PGM5: variants seen among roughly 807,000 people sequenced by gnomAD.
PGM5 encodes phosphoglucomutase-like protein 5.
A neutral mutation model predicts 59.2 loss-of-function variants in PGM5; 23 were observed. That is an observed-to-expected ratio of 0.39 (90% CI 0.28 to 0.55). The LOEUF (loss-of-function observed/expected upper bound fraction) is 0.55. Ranked by LOEUF, PGM5 falls within the 20% of genes least tolerant of loss-of-function variation. The pLI, the probability that PGM5 is intolerant of heterozygous loss-of-function variation, is 0.66. For missense variants in PGM5, 574 were observed against 748.3 expected, an observed-to-expected ratio of 0.77 and a Z score of 2.72; for synonymous variants, 214 against 286.0, an observed-to-expected ratio of 0.75 and a Z score of 2.54.
chr9:68,438,855 A>G (rs1554683512), intron 6 of PGM5, among the ~76,000 whole-genome samples: 1 of 151,900 alleles, frequency 6.6e-6, no homozygotes, highest in Admixed American at 6.6e-5. Context: ...GGAGGGAGAG[A>G]TTCCTCATTT....
intron 6 of PGM5, among the ~76,000 whole-genome samples, chr9:68,424,575 AG>A (rs1482591821): frequency 4.6e-5 from 7 of 152,232 alleles, no homozygotes; most frequent in African/African-American, 1.7e-4. Flanking sequence ...GGTCAACCAA[AG>A]CTATAGCACT....
chr9:68,416,994 G>T (rs187817348), intron 6 of PGM5, among the ~76,000 whole-genome samples: 33 of 152,252 alleles, frequency 2.2e-4, no homozygotes, highest in African/African-American at 7.5e-4. Flanking sequence ...TTCCTAACGG[G>T]GTTCAGTAGG....
chr9:68,480,682 G>A (rs1259576262), intron 8 of PGM5, among the ~76,000 whole-genome samples: 5 of 150,632 alleles, frequency 3.3e-5, no homozygotes, highest in Non-Finnish European at 7.4e-5. Context: ...CTGGGCAACA[G>A]AGTGAGACTC....
At chr9:68,526,013 G>A (rs374908575) in intron 10 of PGM5, among the ~76,000 whole-genome samples, 10 of 151,244 alleles carry the variant, frequency 6.6e-5, no homozygotes, top group South Asian at 2.1e-4. Context: ...CCAAGATCGC[G>A]CCACTGCACT....
chr9:68,390,173 C>T (rs1236265934), intron 4 of PGM5, among the ~76,000 whole-genome samples: 2 of 152,204 alleles, frequency 1.3e-5, no homozygotes, highest in African/African-American at 4.8e-5. Flanking sequence ...GGGCCTTACT[C>T]TAAGGGCTTC....
chr9:68,360,973 C>T (rs1369844773), intron 1 of PGM5, among the ~76,000 whole-genome samples: 1 of 152,168 alleles, frequency 6.6e-6, no homozygotes, highest in Non-Finnish European at 1.5e-5. Flanking sequence ...GCCTGAAGTG[C>T]AGTGAAACAA....
chr9:68,472,480 A>G (rs1824035968), intron 7 of PGM5, among the ~76,000 whole-genome samples: 1 of 152,180 alleles, frequency 6.6e-6, no homozygotes, highest in Admixed American at 6.5e-5. Context: ...CCCCTCTCTT[A>G]GACAAATAGC....
chr9:68,489,541 C>T (rs1285659229), intron 9 of PGM5, among the ~76,000 whole-genome samples: 1 of 150,288 alleles, frequency 6.7e-6, no homozygotes, highest in Non-Finnish European at 1.5e-5. Context: ...TCTTGGCTCA[C>T]TGTGACCTCT....
intron 2 of PGM5, among the ~76,000 whole-genome samples, chr9:68,379,640 A>G (rs533568137): frequency 9.9e-5 from 15 of 152,260 alleles, no homozygotes; most frequent in African/African-American, 3.1e-4. Context: ...AAACTCTCCA[A>G]TCAAAAGATA....
chr9:68,425,601 G>C (rs781785088), intron 6 of PGM5, among the ~76,000 whole-genome samples: 1 of 152,210 alleles, frequency 6.6e-6, no homozygotes, highest in African/African-American at 2.4e-5. Context: ...CTATTTTGGA[G>C]TTGAGATACC....
intron 1 of PGM5, among the ~76,000 whole-genome samples, chr9:68,361,333 C>T (rs1195775598): frequency 2.7e-4 from 41 of 152,220 alleles, no homozygotes; most frequent in Non-Finnish European, 1.3e-4. Flanking sequence ...TGTTGAAAAA[C>T]TAGTCAGTTG....
At chr9:68,421,345 G>A (rs1194517095) in intron 6 of PGM5, among the ~76,000 whole-genome samples, 2 of 152,094 alleles carry the variant, frequency 1.3e-5, no homozygotes. Flanking sequence ...ATCTATAGAT[G>A]GTCTCTCTTC....
At chr9:68,386,836 G>C (rs1364912193) in intron 3 of PGM5, among the ~76,000 whole-genome samples, 1 of 152,036 alleles carries the variant, frequency 6.6e-6, no homozygotes, top group Non-Finnish European at 1.5e-5. Context: ...ACTGGGTGGT[G>C]CTAGATACTG....
intron 7 of PGM5, chr9:68,466,359 A>T (rs946923793): frequency 3.4e-5 from 10 of 298,454 alleles, no homozygotes; most frequent in African/African-American, 7.1e-5. Context: ...GTAATTGTTT[A>T]TCTTTTTCAT....
intron 7 of PGM5, among the ~76,000 whole-genome samples, chr9:68,476,866 T>A (rs1824113843): frequency 6.6e-6 from 1 of 152,200 alleles, no homozygotes; most frequent in Non-Finnish European, 1.5e-5. Flanking sequence ...ATCTCACAGA[T>A]TTAACAGCAT....
At chr9:68,422,449 T>C (rs1587803976) in intron 6 of PGM5, among the ~76,000 whole-genome samples, 1 of 150,204 alleles carries the variant, frequency 6.7e-6, no homozygotes, top group African/African-American at 2.5e-5. Context: ...TGTTTTGTTT[T>C]TTGTTTTGTT....
At chr9:68,529,428 G>A in intron 10 of PGM5, 139 bp from the exon 11 acceptor site, 1 of 654,602 alleles carries the variant, frequency 1.5e-6, no homozygotes, top group East Asian at 3.0e-5. Flanking sequence ...GGAGGAGGAA[G>A]CAAATGTCCT....
At chr9:68,426,939 C>T (rs1823249185) in intron 6 of PGM5, 1 of 152,236 alleles carries the variant, frequency 6.6e-6, no homozygotes, top group Non-Finnish European at 1.5e-5. Flanking sequence ...CTAGCATGGC[C>T]TGGCTTGTCA....
chr9:68,482,988 A>G (rs1554687241), intron 8 of PGM5, among the ~76,000 whole-genome samples: 2 of 152,222 alleles, frequency 1.3e-5, no homozygotes, highest in Non-Finnish European at 2.9e-5. Flanking sequence ...TGAATGGAAC[A>G]ATTGTGATAT....
Sources: gnomAD v4.1 joint callset for allele counts (sites outside exome capture counted in the v4.1 genomes callset) on GRCh38, gnomAD v4.1.1 for gene constraint, MANE v1.5 for transcripts, NCBI Gene and HGNC (gene_info 2026-07-23, HGNC 2026-07-21) for gene names.